CXADR: variants seen among roughly 807,000 people sequenced by gnomAD.
The protein encoded by CXADR is coxsackievirus and adenovirus receptor.
CXADR carries 20 observed loss-of-function variants against 40.3 expected under a neutral mutation model. That is an observed-to-expected ratio of 0.50 (90% CI 0.35 to 0.72). CXADR has a LOEUF of 0.72. Among genes scored for constraint, CXADR ranks in the 30% least tolerant of loss-of-function variants. The pLI is 0.01. For synonymous variants in CXADR, 150 were observed against 161.3 expected (o/e 0.93, Z 0.53); for missense variants, 332 against 449.1 (o/e 0.74, Z 2.36).
chr21:17,596,232 T>TATGGTTTGCCCATTTTCTTA (rs2061502399), downstream of CXADR, among the ~76,000 whole-genome samples: 2 of 152,076 alleles, frequency 1.3e-5, no homozygotes, highest in South Asian at 4.1e-4. Flanking sequence ...TGTCCTAGTC[T>TATGGTTTGCCCATTTTCTTA]ATGGTTTGCC....
In CXADR at chr21:17,540,356, A is replaced by T. The variant is rs73308222; in HGVS notation, c.44-6671A>T. Among the ~76,000 whole-genome samples, 1,415 of 152,264 alleles carry T rather than the reference A, an allele frequency of 9.3e-3. 23 individuals carry two copies. The highest frequency in any genetic ancestry group is 0.033 in the African/African-American group (1,365 of 41,538). Reference sequence around the variant, plus strand: ...TCTATTAATATATTTATTAGTATACATTATATGTTTAATGTTATGTTCCTT... The same window carrying T: ...TCTATTAATATATTTATTAGTATACTTTATATGTTTAATGTTATGTTCCTT... On this transcript the variant is annotated intron_variant, in intron 1 of 6. Coordinates refer to ENST00000284878, the MANE Select transcript of CXADR (RefSeq NM_001338.5).
chr21:17,610,050 C>G, the CXADR span, among the ~76,000 whole-genome samples: 1 of 152,288 alleles, frequency 6.6e-6, no homozygotes, highest in South Asian at 2.1e-4. Context: ...GAATACATCA[C>G]ACTAAGGGAA....
chr21:17,539,526 T>C (rs994852800), intron 1 of CXADR, among the ~76,000 whole-genome samples: 1 of 152,230 alleles, frequency 6.6e-6, no homozygotes, highest in Non-Finnish European at 1.5e-5. Flanking sequence ...AAGTAACTGG[T>C]ATTATTCAAC....
chr21:17,553,070 GCA>G (rs2060989307), intron 3 of CXADR, among the ~76,000 whole-genome samples: 1 of 148,212 alleles, frequency 6.7e-6, no homozygotes, highest in African/African-American at 2.6e-5. Flanking sequence ...TTACAGGCAT[GCA>G]CCACCACGCC....
At chr21:17,548,504 C>T (rs2060926643) in intron 2 of CXADR, among the ~76,000 whole-genome samples, 1 of 152,216 alleles carries the variant, frequency 6.6e-6, no homozygotes, top group South Asian at 2.1e-4. Context: ...TTCTCTCTCT[C>T]TGGAGGTGCT....
At chr21:17,627,266 G>A in the CXADR span, among the ~76,000 whole-genome samples, 1 of 152,158 alleles carries the variant, frequency 6.6e-6, no homozygotes, top group African/African-American at 2.4e-5. Flanking sequence ...TGAGGCAAGA[G>A]AATCACTTGA....
At chr21:17,581,312 A>G (rs2061358275) in intron 7 of CXADR, among the ~76,000 whole-genome samples, 1 of 152,216 alleles carries the variant, frequency 6.6e-6, no homozygotes, top group Non-Finnish European at 1.5e-5. Flanking sequence ...TCTTTAAAAT[A>G]AATTTCTAAA....
intron 7 of CXADR, among the ~76,000 whole-genome samples, chr21:17,584,471 A>G (rs1414409368): frequency 6.6e-6 from 1 of 152,234 alleles, no homozygotes; most frequent in Non-Finnish European, 1.5e-5. Flanking sequence ...CAAACGTTCA[A>G]ATGGTTCCTA....
intron 1 of CXADR, among the ~76,000 whole-genome samples, chr21:17,545,425 ATTTAATTT>A (rs903779347): frequency 6.6e-6 from 1 of 152,090 alleles, no homozygotes; most frequent in African/African-American, 2.4e-5. Flanking sequence ...CTAAATTTGC[ATTTAATTT>A]TTTAATTTTT....
At position 17,518,780 on chromosome 21, in the gene CXADR, T is replaced by C. The variant is rs554005516; in HGVS notation, c.43+5608T>C. 1.3e-5 allele frequency: 21 copies of C among 1,581,228 alleles called. 1 individual carries two copies. In the South Asian group the frequency reaches 1.4e-4, roughly 11 times the overall value. On this transcript the variant is annotated intron_variant, in intron 1 of 6. Transcript: ENST00000284878. ...TTAGCAGAAAGGGAAGCTTGGACTT[T>C]GGGATTGTTGAAGTGAATAACTGTC...
In CXADR at chr21:17,561,402, T is replaced by C. The variant is rs1197634952; in HGVS notation, c.759T>C (p.Ile253=). ...GAACTTTGCTTGCTCTAGCGCTCAT[T>C]GGTCTTATCATCTTTTGCTGTCGTA... ...IIGTLLALAL[I]GLIIFCCRKK... is the part of the protein sequence containing the mutation. The change falls in exon 6 of 7, where the codon ATT becomes ATC. Residue 253 remains isoleucine (I), a synonymous_variant. Coordinates refer to ENST00000284878, the MANE Select transcript of CXADR (RefSeq NM_001338.5). The C allele has an allele frequency of 6.2e-7, 1 of 1,612,396 alleles. No homozygotes were observed. The highest frequency in any genetic ancestry group is 8.5e-7 in the Non-Finnish European group (1 of 1,179,172).
intron 7 of CXADR, among the ~76,000 whole-genome samples, chr21:17,579,580 C>T (rs993196235): frequency 1.3e-5 from 2 of 152,082 alleles, no homozygotes; most frequent in Admixed American, 6.5e-5. Context: ...CACTGCGCCC[C>T]GCCGGTCTCA....
chr21:17,592,008 A>G (rs2061440930), intron 7 of CXADR, among the ~76,000 whole-genome samples: 1 of 151,936 alleles, frequency 6.6e-6, no homozygotes, highest in Non-Finnish European at 1.5e-5. Flanking sequence ...GAGGATGGGT[A>G]GTCGAAACAC....
At chr21:17,559,446 A>G (rs1007592862) in intron 4 of CXADR, among the ~76,000 whole-genome samples, 1 of 151,896 alleles carries the variant, frequency 6.6e-6, no homozygotes, top group Non-Finnish European at 1.5e-5. Context: ...TGGCCTCCCA[A>G]AGTGCTGGGA....
chr21:17,562,258 C>A (rs146376390), intron 6 of CXADR, among the ~76,000 whole-genome samples: 18 of 152,322 alleles, frequency 1.2e-4, no homozygotes, highest in Non-Finnish European at 2.5e-4. Flanking sequence ...GGTGGCTGAT[C>A]AGGATGGTAG....
chr21:17,583,470 G>A (rs2061374743), intron 7 of CXADR, among the ~76,000 whole-genome samples: 1 of 152,172 alleles, frequency 6.6e-6, no homozygotes, highest in Non-Finnish European at 1.5e-5. Context: ...TTAACTTGGG[G>A]TGGTTGTTTT....
At chr21:17,616,348 T>C in the CXADR span, among the ~76,000 whole-genome samples, 12 of 150,498 alleles carry the variant, frequency 8.0e-5, no homozygotes, top group East Asian at 2.3e-3. Flanking sequence ...TTTTTTTTTT[T>C]TTTTTGAGAC....
chr21:17,622,553 T>C, the CXADR span, among the ~76,000 whole-genome samples: 1 of 150,992 alleles, frequency 6.6e-6, no homozygotes, highest in Non-Finnish European at 1.5e-5. Flanking sequence ...AACATTTTTG[T>C]CAGTGTTTTT....
intron 6 of CXADR, 54 bp from the exon 7 acceptor site, chr21:17,565,374 G>T (rs1159497224): frequency 1.3e-6 from 2 of 1,566,476 alleles, no homozygotes; most frequent in Non-Finnish European, 1.7e-6. Flanking sequence ...TTGCATAATT[G>T]TAGGTTTTTA....
Sources: gnomAD v4.1 joint callset for allele counts (sites outside exome capture counted in the v4.1 genomes callset) on GRCh38, gnomAD v4.1.1 for gene constraint, MANE v1.5 for transcripts, NCBI Gene and HGNC (gene_info 2026-07-23, HGNC 2026-07-21) for gene names.